Variants in RPS6KA6 observed in about 807,000 individuals in gnomAD.
RPS6KA6 encodes ribosomal protein S6 kinase A6.
A neutral mutation model predicts 65.4 loss-of-function variants in RPS6KA6; 27 were observed. That is an observed-to-expected ratio of 0.41 (90% CI 0.30 to 0.57). RPS6KA6 has a LOEUF of 0.57. Ranked by LOEUF, RPS6KA6 falls within the 20% of genes least tolerant of loss-of-function variation. RPS6KA6 has a pLI of 0.24. For synonymous variants in RPS6KA6, 190 were observed against 184.2 expected (o/e 1.03, Z -0.26); for missense variants, 486 against 555.6 (o/e 0.87, Z 1.26).
chrX:84,145,615 A>T (rs1376198139), intron 5 of RPS6KA6, 58 bp from the exon 6 acceptor site: 2 of 601,572 alleles, frequency 3.3e-6, no homozygotes, highest in Non-Finnish European at 5.1e-6. Flanking sequence ...AAAGCTTAGT[A>T]TGCTTTTAAA....
At chrX:84,129,934 C>A (rs2034866130) in intron 8 of RPS6KA6, among the ~76,000 whole-genome samples, 1 of 110,491 alleles carries the variant, frequency 9.1e-6, no homozygotes, top group Admixed American at 9.7e-5. Context: ...TTAGCTAGCA[C>A]AACAGGGTGA....
At chrX:84,093,567 A>G (rs905422726) in intron 20 of RPS6KA6, among the ~76,000 whole-genome samples, 1 of 112,147 alleles carries the variant, frequency 8.9e-6, no homozygotes, top group East Asian at 2.8e-4. Context: ...TTACCAGGCT[A>G]AAAGAGACGT....
chrX:84,153,305 T>A lies in RPS6KA6; in HGVS notation c.258+2770A>T, dbSNP rs183904828. Among the ~76,000 whole-genome samples, 4 of 111,865 alleles carry A rather than the reference T, an allele frequency of 3.6e-5. No homozygotes were observed. The East Asian group carries it at 1.1e-3, about 31-fold the overall frequency. ...TATTAAAATGTATGTTTTATATAAA[T>A]ATTATTTGGCACATGATATATAAGG... On this transcript the variant is annotated intron_variant, in intron 3 of 21. Transcript: ENST00000262752.
chrX:84,128,208 C>T (rs992555225), intron 8 of RPS6KA6, among the ~76,000 whole-genome samples: 2 of 110,884 alleles, frequency 1.8e-5, no homozygotes, highest in South Asian at 3.8e-4. Flanking sequence ...GAAAGTGATG[C>T]CACTTACAAT....
At chrX:84,117,178 T>G (rs768032733) in intron 10 of RPS6KA6, 30 bp from the exon 11 acceptor site, 1 of 1,067,244 alleles carries the variant, frequency 9.4e-7, no homozygotes, top group South Asian at 2.1e-5. Flanking sequence ...AAAGTTTCAC[T>G]TAAATTTAGC....
chrX:84,151,952 G>A (rs1262862837), intron 3 of RPS6KA6, among the ~76,000 whole-genome samples: 3 of 111,005 alleles, frequency 2.7e-5, no homozygotes, highest in Non-Finnish European at 5.7e-5. Context: ...CCAGGGGTAC[G>A]GAGACCACAA....
Position 84,105,972 on chromosome X carries a change from T to G in RPS6KA6, c.1366-96A>C, listed in dbSNP as rs1051146669. 1.7e-5 allele frequency: 8 copies of G among 462,949 alleles called. No homozygotes were observed. In the African/African-American group the frequency reaches 2.0e-4, roughly 11 times the overall value. The allele number at this position is 462,949 out of a possible 1,213,427, so 38.2% of individuals were successfully genotyped here. ...TTGGTTATATTTTTGAAGAAATGCT[T>G]AAAAACTCAAGAACAATACTTACCT... On this transcript the variant is annotated intron_variant, in intron 15 of 21. Coordinates refer to ENST00000262752, the MANE Select transcript of RPS6KA6 (RefSeq NM_014496.5).
At chrX:84,097,066 AT>A (rs779754581) in intron 19 of RPS6KA6, among the ~76,000 whole-genome samples, 43 of 111,414 alleles carry the variant, frequency 3.9e-4, no homozygotes, top group African/African-American at 1.4e-3. Context: ...TGTCAAGCAT[AT>A]TTAAACTATA....
rs182710463 is a variant in RPS6KA6 at position 84,111,243 on chromosome X, G to C, written c.1009-3518C>G. On this transcript the variant is annotated intron_variant, in intron 12 of 21. Coordinates refer to ENST00000262752, the MANE Select transcript of RPS6KA6 (RefSeq NM_014496.5). ...GCAACTTATAGGCAGAAAGAAAAAAGAAAAGAAGTTTGGAAAGCATAATTG... is the reference window on the plus strand; with the variant it reads ...GCAACTTATAGGCAGAAAGAAAAAACAAAAGAAGTTTGGAAAGCATAATTG... Among the ~76,000 whole-genome samples, 661 of 110,733 alleles carry C rather than the reference G, an allele frequency of 6.0e-3. 7 individuals are homozygous for C. Among genetic ancestry groups the C allele is most frequent in the African/African-American group, 0.02 (609 of 30,618 alleles).
At chrX:84,161,037 ATACT>A (rs1248186661) in intron 2 of RPS6KA6, among the ~76,000 whole-genome samples, 1 of 111,062 alleles carries the variant, frequency 9.0e-6, no homozygotes, top group African/African-American at 3.3e-5. Flanking sequence ...ATTGGCAGTA[ATACT>A]TACTCTATTT....
rs1358857391 is a variant in RPS6KA6, at chrX:84,172,416, T to C, written c.82-8029A>G. ...TATCAACAGCATGGCTTTGTTGAAATGGAAAGTAAATCCAGAATATATCCT... is the reference window on the plus strand; with the variant it reads ...TATCAACAGCATGGCTTTGTTGAAACGGAAAGTAAATCCAGAATATATCCT... On this transcript the variant is annotated intron_variant, in intron 1 of 21. Transcript: ENST00000262752. 2.7e-5 allele frequency among the ~76,000 whole-genome samples: 3 copies of C among 112,163 alleles called. No individual in the cohort carries two copies. In the South Asian group the frequency reaches 1.1e-3, roughly 42 times the overall value.
intron 1 of RPS6KA6, among the ~76,000 whole-genome samples, chrX:84,179,951 G>A (rs2035826587): frequency 1.8e-5 from 2 of 111,564 alleles, no homozygotes; most frequent in South Asian, 3.7e-4. Flanking sequence ...CAGACCTAAT[G>A]GCTTATCTAT....
intron 2 of RPS6KA6, among the ~76,000 whole-genome samples, chrX:84,157,040 C>A (rs2035427685): frequency 8.9e-6 from 1 of 112,100 alleles, no homozygotes; most frequent in Non-Finnish European, 1.9e-5. Flanking sequence ...TGGTAGCATT[C>A]CATTATAGCA....
At chrX:84,107,098 G>C in intron 13 of RPS6KA6, 58 bp from the exon 14 acceptor site, 3 of 991,920 alleles carry the variant, frequency 3.0e-6, no homozygotes, top group Non-Finnish European at 4.1e-6. Flanking sequence ...ATGATATAAA[G>C]TGTCAGAATT....
At chrX:84,127,823 C>T (rs1288041321) in intron 8 of RPS6KA6, among the ~76,000 whole-genome samples, 1 of 109,570 alleles carries the variant, frequency 9.1e-6, no homozygotes, top group Non-Finnish European at 1.9e-5. Context: ...GAACATGCTT[C>T]AACATAATCA....
chrX:84,159,704 T>C (rs1311575600), intron 2 of RPS6KA6, among the ~76,000 whole-genome samples: 1 of 110,885 alleles, frequency 9.0e-6, no homozygotes, highest in African/African-American at 3.3e-5. Flanking sequence ...CCCTAACAGT[T>C]AATATGTTAA....
intron 20 of RPS6KA6, among the ~76,000 whole-genome samples, chrX:84,074,205 T>C (rs1450023588): frequency 1.8e-5 from 2 of 111,998 alleles, no homozygotes; most frequent in African/African-American, 6.5e-5. Flanking sequence ...ATGCTGTCAT[T>C]TGTGGCACCA....
intron 2 of RPS6KA6, 42 bp from the exon 3 acceptor site, chrX:84,156,233 C>G (rs2147584381): frequency 1.4e-6 from 1 of 718,684 alleles, no homozygotes; most frequent in African/African-American, 2.1e-5. Flanking sequence ...CCATTTTCAA[C>G]ATCTTCTGAT....
chrX:84,071,330 G>T (rs2033538290), intron 20 of RPS6KA6, among the ~76,000 whole-genome samples: 1 of 111,920 alleles, frequency 8.9e-6, no homozygotes, highest in Non-Finnish European at 1.9e-5. Flanking sequence ...GACTCACACA[G>T]GTGGGGTGTA....
Sources: allele counts gnomAD v4.1 joint callset (sites outside exome capture counted in the v4.1 genomes callset), GRCh38; gene constraint gnomAD v4.1.1; transcripts MANE v1.5; gene names NCBI Gene and HGNC (gene_info 2026-07-23, HGNC 2026-07-21).